Variants in CBX1 observed in about 807,000 individuals in gnomAD.
CBX1 encodes the protein chromobox 1.
In CBX1, 10 loss-of-function variants were observed where a neutral mutation model predicts 25.1. That is an observed-to-expected ratio of 0.40 (90% confidence interval 0.25 to 0.68). The LOEUF is 0.68. Ranked by LOEUF, CBX1 falls within the 30% of genes least tolerant of loss-of-function variation. CBX1 has a pLI of 0.40. For missense variants in CBX1, 106 were observed against 218.5 expected (o/e 0.49, Z 3.25); for synonymous variants, 63 against 79.4 (o/e 0.79, Z 1.10).
chr17:48,070,356 A>G lies in CBX1; in HGVS notation c.*1079T>C, dbSNP rs1437950478. On this transcript the variant is annotated 3_prime_UTR_variant, in exon 5 of 5. Coordinates refer to ENST00000225603, the MANE Select transcript of CBX1 (RefSeq NM_001127228.2). ...TTCTCCTGAGACCAAGGCTTTTGAA[A>G]TCACTAAACTCTTGGATCAATTCAG... The G allele has an allele frequency of 1.3e-5, 2 of 152,680 alleles. No individual in the cohort carries two copies. The highest frequency in any genetic ancestry group is 2.9e-5 in the Non-Finnish European group (2 of 68,046). The allele number at this position is 152,680 out of a possible 1,614,324, so 9.5% of individuals were successfully genotyped here.
At position 48,076,924 on chromosome 17, in the gene CBX1, G is replaced by A. The variant is rs138798562; in HGVS notation, c.81C>T (p.Leu27=). The change falls in exon 2 of 5, where the codon CTC becomes CTT. Residue 27 remains leucine, a synonymous_variant. Transcript: ENST00000225603. ...EEEEYVVEKV[L]DRRVVKGKVE... ...CTTTGCCCTTTACCACTCGACGGTC[G>A]AGAACTTTTTCCACCACATATTCCT... 20 of 1,613,440 alleles carry A rather than the reference G, an allele frequency of 1.2e-5. No individual in the cohort carries two copies. Among genetic ancestry groups the A allele is most frequent in the African/African-American group, 1.2e-4 (9 of 74,846 alleles).
intron 1 of CBX1, among the ~76,000 whole-genome samples, chr17:48,093,199 C>A (rs2063354158): frequency 6.6e-6 from 1 of 151,072 alleles, no homozygotes; most frequent in Non-Finnish European, 1.5e-5. Context: ...TGCTTGAACC[C>A]AGGAGGCAGA....
At chr17:48,084,138 A>AT (rs1167591274) in intron 1 of CBX1, among the ~76,000 whole-genome samples, 1 of 135,802 alleles carries the variant, frequency 7.4e-6, no homozygotes, top group Non-Finnish European at 1.6e-5. Context: ...AACCTGGCTA[A>AT]TTTTTTCAAT....
chr17:48,084,408 G>C (rs1293247488), intron 1 of CBX1, among the ~76,000 whole-genome samples: 1 of 146,448 alleles, frequency 6.8e-6, no homozygotes, highest in Non-Finnish European at 1.5e-5. Context: ...GAGACAGGTC[G>C]CCATGTTGCT....
chr17:48,071,142 C>T lies in CBX1; in HGVS notation c.*293G>A, dbSNP rs572555289. On this transcript the variant is annotated 3_prime_UTR_variant, in exon 5 of 5. Coordinates refer to ENST00000225603, the MANE Select transcript of CBX1 (RefSeq NM_001127228.2). The stretch of plus-strand genomic sequence containing the variant: ...CAGTATTTTTTTGCTCTCCCACACA[C>T]CCAATTCTGCAAGTTTTGTCCTTCA... 2.0e-5 allele frequency: 5 copies of T among 244,868 alleles called. No individual in the cohort carries two copies. The highest frequency in any genetic ancestry group is 3.2e-5 in the Non-Finnish European group (4 of 126,734). The allele number at this position is 244,868 out of a possible 1,614,324, so 15.2% of individuals were successfully genotyped here.
chr17:48,089,102 CTTT>C (rs71366828), intron 1 of CBX1, among the ~76,000 whole-genome samples: 6 of 137,038 alleles, frequency 4.4e-5, no homozygotes, highest in Admixed American at 7.4e-5. Flanking sequence ...GCATCTGCAT[CTTT>C]TTTTTTTTTT....
intron 1 of CBX1, among the ~76,000 whole-genome samples, chr17:48,078,993 G>A (rs2037705855): frequency 2.0e-5 from 3 of 147,968 alleles, no homozygotes; most frequent in African/African-American, 5.0e-5. Context: ...TTTCACCAAC[G>A]TTGGTCAAGC....
intron 1 of CBX1, among the ~76,000 whole-genome samples, chr17:48,098,045 G>A (rs1201821394): frequency 6.6e-6 from 1 of 152,114 alleles, no homozygotes; most frequent in Non-Finnish European, 1.5e-5. Context: ...TAGTACCAGA[G>A]TGAGTACAAA....
intron 1 of CBX1, among the ~76,000 whole-genome samples, chr17:48,092,279 C>T (rs568911664): frequency 6.6e-6 from 1 of 151,856 alleles, no homozygotes; most frequent in Admixed American, 6.6e-5. Flanking sequence ...ACTGAGCCAC[C>T]ATGCCCGACC....
At chr17:48,073,544 C>T (rs891236502) in intron 4 of CBX1, among the ~76,000 whole-genome samples, 3 of 152,090 alleles carry the variant, frequency 2.0e-5, no homozygotes, top group Admixed American at 6.6e-5. Context: ...AGCAGTGAGT[C>T]GGCCAGGTGC....
chr17:48,073,060 T>C (rs1397141264), intron 4 of CBX1, among the ~76,000 whole-genome samples: 1 of 151,910 alleles, frequency 6.6e-6, no homozygotes, highest in Non-Finnish European at 1.5e-5. Context: ...AGGTGGAGGT[T>C]GTAGTGAACA....
At position 48,071,502 on chromosome 17, in the gene CBX1, T is replaced by C. The variant is rs761996259; in HGVS notation, c.491A>G (p.Tyr164Cys). The change falls in exon 5 of 5, where the codon TAT becomes TGT. Residue 164 changes from tyrosine to cysteine, a missense_variant. Tyr to Cys is a radical substitution (Grantham distance 194). This residue lies in a region of CBX1 where 71 missense variants were observed against 144.1 expected (regional missense o/e 0.49). Coordinates refer to ENST00000225603, the MANE Select transcript of CBX1 (RefSeq NM_001127228.2). ...GGAATGCCACGTCAGCCTTTCCTCA[T>C]AGAAGGATATGACAACCTGTGGGCA... ...VKCPQVVISF[Y>C]EERLTWHSYP... is the part of the protein sequence containing the mutation. The C allele has an allele frequency of 6.2e-7, 1 of 1,613,708 alleles. No individual in the cohort carries two copies.
chr17:48,083,897 C>G (rs943380137), intron 1 of CBX1, among the ~76,000 whole-genome samples: 4 of 150,666 alleles, frequency 2.7e-5, no homozygotes, highest in Non-Finnish European at 5.9e-5. Context: ...TGTAGTTCAA[C>G]CAGCCATGTT....
intron 1 of CBX1, among the ~76,000 whole-genome samples, chr17:48,094,367 A>T (rs555048897): frequency 1.3e-5 from 2 of 150,334 alleles, no homozygotes; most frequent in South Asian, 4.2e-4. Context: ...TTGGGAGGTG[A>T]AGGCTGCAGT....
intron 1 of CBX1, chr17:48,100,943 TC>T: frequency 1.0e-6 from 1 of 986,310 alleles, no homozygotes; most frequent in Non-Finnish European, 1.2e-6. Flanking sequence ...TTCCGCCCTA[TC>T]CCGCAGCCGC....
chr17:48,076,013 C>T lies in CBX1; in HGVS notation c.306G>A (p.Lys102=), dbSNP rs760835120. The T allele has an allele frequency of 1.2e-6, 2 of 1,601,518 alleles. No homozygotes were observed. The change falls in exon 3 of 5, where the codon AAG becomes AAA. Residue 102 remains lysine (K), a synonymous_variant. Coordinates refer to ENST00000225603, the MANE Select transcript of CBX1 (RefSeq NM_001127228.2). ...CTTCTATTCTTACCTCTTCTTTCTTCTTCTTTGGTTTGCTCTCCTCTCCCT... is the reference window on the plus strand; with the variant it reads ...CTTCTATTCTTACCTCTTCTTTCTTTTTCTTTGGTTTGCTCTCCTCTCCCT... ...EDKGEESKPK[K]KKEESEKPRG... is the part of the protein sequence containing the mutation.
At position 48,101,285 on chromosome 17, in the gene CBX1, G is replaced by A; in HGVS notation, c.-55C>T. 1.0e-6 allele frequency: 1 copy of A among 986,468 alleles called. No homozygotes were observed. The highest frequency in any genetic ancestry group is 1.7e-5 in the African/African-American group (1 of 57,378). The allele number at this position is 986,468 out of a possible 1,614,324, so 61.1% of individuals were successfully genotyped here. ...CTCCTCACCTCAGAGCAGCGCCCAA[G>A]AGCCCGAGAGGAATCGGTGCTGCGC... On this transcript the variant is annotated 5_prime_UTR_variant, in exon 1 of 5. Coordinates refer to ENST00000225603, the MANE Select transcript of CBX1 (RefSeq NM_001127228.2).
chr17:48,097,051 A>G (rs2063379237), intron 1 of CBX1, among the ~76,000 whole-genome samples: 1 of 151,960 alleles, frequency 6.6e-6, no homozygotes, highest in Non-Finnish European at 1.5e-5. Flanking sequence ...GGAGTTGAAG[A>G]CCAACCTGGC....
chr17:48,086,090 C>T (rs1381118037), intron 1 of CBX1, among the ~76,000 whole-genome samples: 1 of 151,476 alleles, frequency 6.6e-6, no homozygotes, highest in Non-Finnish European at 1.5e-5. Flanking sequence ...CAAAACAAAA[C>T]AAAAAAAACC....
Sources: gnomAD v4.1 joint callset for allele counts (sites outside exome capture counted in the v4.1 genomes callset) on GRCh38, gnomAD v4.1.1 for gene constraint, gnomAD v4.1.1 regional missense constraint, MANE v1.5 for transcripts, NCBI Gene and HGNC (gene_info 2026-07-23, HGNC 2026-07-21) for gene names.